The following HSD17B12 variants were observed in gnomAD, a reference collection of about 807,000 sequenced individuals.
The protein encoded by HSD17B12 is very-long-chain 3-oxoacyl-CoA reductase.
Under a neutral mutation model 39.3 loss-of-function variants are expected in HSD17B12, and 32 were observed. That is an observed-to-expected ratio of 0.81 (90% CI 0.61 to 1.09). The LOEUF is 1.09. HSD17B12 is among the 50% of genes least tolerant of loss of function. The probability of loss-of-function intolerance (pLI) is 0.00; values close to 1 mark genes in which losing one functional copy is unlikely to be tolerated. For missense variants in HSD17B12, 342 were observed against 382.9 expected (o/e 0.89, Z 0.89); for synonymous variants, 150 against 146.7 (o/e 1.02, Z -0.16).
At chr11:43,673,344 C>T in the HSD17B12 span, 1 of 151,852 alleles carries the variant, frequency 6.6e-6, no homozygotes, top group Admixed American at 6.6e-5. Flanking sequence ...ATATTAAATA[C>T]TATTCTAAAC....
chr11:43,763,256 C>T (rs1239607154), intron 3 of HSD17B12, among the ~76,000 whole-genome samples: 1 of 152,090 alleles, frequency 6.6e-6, no homozygotes, highest in East Asian at 1.9e-4. Context: ...TTTGGTATGA[C>T]AGCAATTAAA....
the HSD17B12 span, among the ~76,000 whole-genome samples, chr11:43,669,739 C>T: frequency 1.3e-5 from 2 of 152,180 alleles, no homozygotes; most frequent in Non-Finnish European, 2.9e-5. Flanking sequence ...CTCTAAATCT[C>T]TCTCTTTTTA....
At chr11:43,662,249 A>G in the HSD17B12 span, among the ~76,000 whole-genome samples, 1 of 146,184 alleles carries the variant, frequency 6.8e-6, no homozygotes, top group Non-Finnish European at 1.5e-5. Context: ...CCTAGGCTGG[A>G]GTGCAGTGGT....
chr11:43,648,296 T>A, the HSD17B12 span, among the ~76,000 whole-genome samples: 1 of 152,132 alleles, frequency 6.6e-6, no homozygotes, highest in African/African-American at 2.4e-5. Flanking sequence ...TAACATGATT[T>A]TAATAAGTCA....
At chr11:43,663,697 C>T in the HSD17B12 span, among the ~76,000 whole-genome samples, 3 of 152,048 alleles carry the variant, frequency 2.0e-5, no homozygotes, top group Non-Finnish European at 4.4e-5. Flanking sequence ...AGTTCCTTAG[C>T]CTGGCATAGT....
chr11:43,660,918 G>T, the HSD17B12 span, among the ~76,000 whole-genome samples: 2 of 151,992 alleles, frequency 1.3e-5, no homozygotes, highest in Non-Finnish European at 2.9e-5. Flanking sequence ...TGAGGTCAGG[G>T]GTTCAAGACC....
rs1345298483 is a variant in HSD17B12, at chr11:43,816,814, T to C, written c.501+423T>C. On this transcript the variant is annotated intron_variant, in intron 6 of 10. Coordinates refer to ENST00000278353, the MANE Select transcript of HSD17B12 (RefSeq NM_016142.3). The stretch of plus-strand genomic sequence containing the variant: ...CCCGAAGTCCATTGTATCATTCTTA[T>C]GCCTTTGCATCCTCGTAGCTTAGTT... Among the ~76,000 whole-genome samples the C allele has an allele frequency of 2.0e-5, 3 of 151,960 alleles. No individual in the cohort carries two copies. In the South Asian group the frequency reaches 6.2e-4, roughly 31 times the overall value.
chr11:43,616,600 C>G, the HSD17B12 span, among the ~76,000 whole-genome samples: 9 of 151,286 alleles, frequency 5.9e-5, no homozygotes, highest in Non-Finnish European at 7.4e-5. Flanking sequence ...ATGGCAGGTG[C>G]CTGATTTATC....
At chr11:43,734,340 G>C in intron 1 of HSD17B12, 2 of 998,716 alleles carry the variant, frequency 2.0e-6, no homozygotes. Flanking sequence ...GAGAGGGCCA[G>C]ATCTGTGGTG....
chr11:43,653,673 A>G, the HSD17B12 span, among the ~76,000 whole-genome samples: 3 of 152,070 alleles, frequency 2.0e-5, no homozygotes, highest in African/African-American at 7.2e-5. Flanking sequence ...TCCTTGCAAT[A>G]GTTTGCTGAG....
At chr11:43,732,478 T>G (rs529181116) in intron 1 of HSD17B12, among the ~76,000 whole-genome samples, 1 of 152,170 alleles carries the variant, frequency 6.6e-6, no homozygotes, top group Non-Finnish European at 1.5e-5. Flanking sequence ...ATCTTTTTTT[T>G]TTTTTAGAGA....
chr11:43,614,244 A>G, the HSD17B12 span, among the ~76,000 whole-genome samples: 23 of 152,186 alleles, frequency 1.5e-4, no homozygotes, highest in African/African-American at 5.3e-4. Context: ...TTTTGCCTTC[A>G]TTTTTTGAAG....
At chr11:43,677,073 T>C (rs1311191740), upstream of HSD17B12, among the ~76,000 whole-genome samples, 1 of 152,138 alleles carries the variant, frequency 6.6e-6, no homozygotes, top group Non-Finnish European at 1.5e-5. Context: ...AAATAAAATA[T>C]GATGTCAGCT....
At chr11:43,812,991 G>A (rs1321543531) in intron 4 of HSD17B12, among the ~76,000 whole-genome samples, 1 of 152,058 alleles carries the variant, frequency 6.6e-6, no homozygotes, top group Non-Finnish European at 1.5e-5. Flanking sequence ...ACAGGCACGT[G>A]CCATCGTGCC....
At chr11:43,721,213 G>A (rs1420879744) in intron 1 of HSD17B12, among the ~76,000 whole-genome samples, 2 of 151,978 alleles carry the variant, frequency 1.3e-5, no homozygotes. Context: ...AAAGTAACTA[G>A]TAAATAGGTA....
intron 3 of HSD17B12, among the ~76,000 whole-genome samples, chr11:43,756,205 AAT>A (rs755836460): frequency 1.2e-4 from 18 of 152,126 alleles, no homozygotes; most frequent in Non-Finnish European, 1.6e-4. Context: ...CCCAATATTA[AAT>A]ATGTTATATC....
chr11:43,638,971 T>C, the HSD17B12 span, among the ~76,000 whole-genome samples: 2 of 152,198 alleles, frequency 1.3e-5, no homozygotes, highest in East Asian at 3.9e-4. Context: ...TAGTGTCGGG[T>C]CTGAATAAGG....
At chr11:43,742,835 A>G (rs1950381778) in intron 1 of HSD17B12, among the ~76,000 whole-genome samples, 1 of 152,022 alleles carries the variant, frequency 6.6e-6, no homozygotes, top group Admixed American at 6.6e-5. Flanking sequence ...GTGAGGTAAT[A>G]TTTGACTTAC....
chr11:43,603,090 A>G, the HSD17B12 span, among the ~76,000 whole-genome samples: 1 of 152,222 alleles, frequency 6.6e-6, no homozygotes, highest in Admixed American at 6.5e-5. Flanking sequence ...GCACACATCA[A>G]GACTGGCAGA....
Sources: gnomAD v4.1 joint callset for allele counts (sites outside exome capture counted in the v4.1 genomes callset) on GRCh38, gnomAD v4.1.1 for gene constraint, MANE v1.5 for transcripts, NCBI Gene and HGNC (gene_info 2026-07-23, HGNC 2026-07-21) for gene names.